Variants in LRCOL1 observed in about 807,000 individuals in gnomAD.
The protein encoded by LRCOL1 is leucine rich colipase like 1, also known as leucine-rich colipase-like protein 1.
A neutral mutation model predicts 21.6 loss-of-function variants in LRCOL1; 21 were observed. That is an observed-to-expected ratio of 0.97 (90% CI 0.69 to 1.40). LRCOL1 has a LOEUF of 1.40. Among genes scored for constraint, LRCOL1 ranks in the 40% most tolerant of loss-of-function variants. LRCOL1 has a pLI of 0.00. For synonymous variants in LRCOL1, 98 were observed against 90.1 expected, an observed-to-expected ratio of 1.09 and a Z score of -0.49; for missense variants, 198 against 202.3, an observed-to-expected ratio of 0.98 and a Z score of 0.13.
In LRCOL1 at chr12:132,604,700, C is replaced by T; in HGVS notation, c.231+6G>A. The T allele has an allele frequency of 6.5e-7, 1 of 1,535,604 alleles. No individual in the cohort carries two copies. Among genetic ancestry groups the T allele is most frequent in the East Asian group, 2.4e-5 (1 of 40,884 alleles). ...TCCTCCACCCCCGCCCCTGCACGCA[C>T]CTCACCTTCCTCCAGGGCAGGCACT... On this transcript the variant is annotated splice_donor_region_variant and intron_variant, in intron 3 of 5. Transcript: ENST00000376608.
At chr12:132,608,986 AACAGGTC>A (rs1469263137) in intron 1 of LRCOL1, among the ~76,000 whole-genome samples, 4 of 152,218 alleles carry the variant, frequency 2.6e-5, no homozygotes, top group African/African-American at 4.8e-5. Context: ...TCCGGTGTCT[AACAGGTC>A]ACAGGTCACA....
rs541292754 is a variant in LRCOL1, at chr12:132,606,234, C to A, written c.18G>T (p.Trp6Cys). 289 of 1,536,464 alleles carry A rather than the reference C, an allele frequency of 1.9e-4. No homozygotes were observed. The highest frequency in any genetic ancestry group is 2.5e-4 in the Non-Finnish European group (283 of 1,146,860). ...GCAGCAGCAGCAGTAGCAGCAGCGT[C>A]CACCCCGGGCCGGCCATCGGGTGTG... MAGPGWTLLLLLLLLL... is the reference protein window; with the variant it reads MAGPGCTLLLLLLLLL... The change falls in exon 2 of 6, where the codon TGG (tryptophan) becomes TGT (cysteine). Residue 6 changes from tryptophan to cysteine, a missense_variant. Trp to Cys is a radical substitution (Grantham distance 215). Transcript: ENST00000376608. This position sits in a 1 kb window ranked among gnomAD's most constrained non-coding sequence, Gnocchi z 4.6.
chr12:132,604,764 G>C lies in LRCOL1; in HGVS notation c.173C>G (p.Ala58Gly), dbSNP rs1289401154. ...QSNCCTINSL[A>G]PHTLCTPKTI... ...CTTAGGGGTGCAGAGCGTGTGTGGGGCCAGGCTGTTGATGGTACAGCAGTT... is the reference window on the plus strand; with the variant it reads ...CTTAGGGGTGCAGAGCGTGTGTGGGCCCAGGCTGTTGATGGTACAGCAGTT... Residue 58 changes from alanine to glycine, a missense_variant, in exon 3 of 6, where the codon GCC becomes GGC. Physicochemically the swap from Ala to Gly is moderately conservative, Grantham distance 60. Coordinates refer to ENST00000376608, the MANE Select transcript of LRCOL1 (RefSeq NM_001195520.2). The C allele has an allele frequency of 2.0e-6, 3 of 1,536,210 alleles. No homozygotes were observed. The highest frequency in any genetic ancestry group is 2.6e-6 in the Non-Finnish European group (3 of 1,146,918).
intron 5 of LRCOL1, chr12:132,603,783 G>C (rs1021310665): frequency 1.0e-6 from 1 of 985,406 alleles, no homozygotes; most frequent in African/African-American, 1.7e-5. Context: ...CCCCTCCCCT[G>C]GCCCCAGGGC....
At chr12:132,607,961 CTCTG>C (rs1014748998) in intron 1 of LRCOL1, among the ~76,000 whole-genome samples, 3 of 151,942 alleles carry the variant, frequency 2.0e-5, no homozygotes, top group African/African-American at 4.8e-5. Context: ...CTCTCCCTCT[CTCTG>C]TCTCTTTCTG....
Position 132,604,712 on chromosome 12 carries a change from C to A in LRCOL1, c.225G>T (p.Trp75Cys), listed in dbSNP as rs910985358. The A allele has an allele frequency of 6.5e-7, 1 of 1,536,132 alleles. No individual in the cohort carries two copies. Among genetic ancestry groups the A allele is most frequent in the Middle Eastern group, 1.7e-4 (1 of 5,988 alleles). ...PKTIFLQCLP[W>C]RKPNGYRCSH... ...GCCCCTGCACGCACCTCACCTTCCT[C>A]CAGGGCAGGCACTGCAGGAAGATGG... The change falls in exon 3 of 6, where the codon TGG becomes TGT. Residue 75 changes from tryptophan (W) to cysteine (C), a missense_variant. Trp to Cys is a radical substitution (Grantham distance 215). Transcript: ENST00000376608.
Position 132,604,502 on chromosome 12 carries a change from G to A in LRCOL1, c.314C>T (p.Thr105Met), listed in dbSNP as rs992804179. Reference protein sequence around the residue: ...VRNNSPQELCTPQSVFLQCVP... With the variant: ...VRNNSPQELCMPQSVFLQCVP... ...ACACTGCAGGAAGACGCTTTGGGGC[G>A]TGCACAACTCCTGCGGGCTGTTGTT... The change falls in exon 4 of 6, where the codon ACG (threonine) becomes ATG (methionine). Residue 105 changes from threonine to methionine, a missense_variant. Thr to Met is a moderately conservative substitution (Grantham distance 81). Transcript: ENST00000376608. The A allele has an allele frequency of 4.9e-5, 76 of 1,536,178 alleles. No individual in the cohort carries two copies. The Admixed American group carries it at 5.7e-4, about 11-fold the overall frequency.
intron 2 of LRCOL1, 190 bp downstream of exon 2, chr12:132,605,957 G>A (rs2041302654): frequency 1.7e-6 from 1 of 605,820 alleles, no homozygotes; most frequent in South Asian, 2.0e-5. Context: ...AGCCGGGCGT[G>A]TGGCCAGGAG....
rs2041305471 is a variant in LRCOL1, at chr12:132,606,095, C to A, written c.105+52G>T. On this transcript the variant is annotated intron_variant, in intron 2 of 5. Coordinates refer to ENST00000376608, the MANE Select transcript of LRCOL1 (RefSeq NM_001195520.2). This position sits in a 1 kb window ranked among gnomAD's most constrained non-coding sequence, Gnocchi z 4.6. ...GGGCCTCAGGGGCGCCCGGCACCCA[C>A]CTTATGGCGCGTGTGGGGCCTGCAG... 2.0e-6 allele frequency: 3 copies of A among 1,523,158 alleles called. No homozygotes were observed. Among genetic ancestry groups the A allele is most frequent in the Non-Finnish European group, 1.8e-6 (2 of 1,135,808 alleles). 94.4% of individuals were successfully genotyped at this position (1,523,158 alleles called of 1,614,324 possible). A position where few individuals can be genotyped will look rare whatever the true frequency, so the allele number is the denominator to read the frequency against.
At chr12:132,603,647 G>A in intron 5 of LRCOL1, 4 of 375,262 alleles carry the variant, frequency 1.1e-5, no homozygotes, top group Non-Finnish European at 1.3e-5. Flanking sequence ...GCGCCTGGTG[G>A]TACCCGAGGG....
chr12:132,604,476 C>T lies in LRCOL1; in HGVS notation c.340G>A (p.Val114Met), dbSNP rs1269862072. 2.0e-6 allele frequency: 3 copies of T among 1,535,938 alleles called. No individual in the cohort carries two copies. Among genetic ancestry groups the T allele is most frequent in the Non-Finnish European group, 2.6e-6 (3 of 1,146,764 alleles). ...CCGCAGCTCACCTTGCGCCAGGGCA[C>T]ACACTGCAGGAAGACGCTTTGGGGC... ...CTPQSVFLQCVPWRKPNGDFC... is the reference protein window; with the variant it reads ...CTPQSVFLQCMPWRKPNGDFC... Residue 114 changes from valine (V) to methionine (M), a missense_variant, in exon 4 of 6, where the codon GTG becomes ATG. Transcript: ENST00000376608.
chr12:132,604,673 G>C lies in LRCOL1; in HGVS notation c.231+33C>G, dbSNP rs773570171. On this transcript the variant is annotated intron_variant, in intron 3 of 5. Coordinates refer to ENST00000376608, the MANE Select transcript of LRCOL1 (RefSeq NM_001195520.2). ...GTAGGAGGGGGCCACAGGCAGTCTCGCTCCTCCACCCCCGCCCCTGCACGC... is the reference window on the plus strand; with the variant it reads ...GTAGGAGGGGGCCACAGGCAGTCTCCCTCCTCCACCCCCGCCCCTGCACGC... 6 of 1,527,884 alleles carry C rather than the reference G, an allele frequency of 3.9e-6. No homozygotes were observed. The South Asian group carries it at 6.0e-5, about 15-fold the overall frequency. The allele number at this position is 1,527,884 out of a possible 1,614,324, so 94.6% of individuals were successfully genotyped here. A position where few individuals can be genotyped will look rare whatever the true frequency, so the allele number is the denominator to read the frequency against.
At chr12:132,604,218 G>A in intron 5 of LRCOL1, 36 bp downstream of exon 5, 1 of 1,506,130 alleles carries the variant, frequency 6.6e-7, no homozygotes, top group Non-Finnish European at 8.8e-7. Flanking sequence ...GCGGCCAAGG[G>A]AGGGCCTGGA....
chr12:132,607,788 CCT>C (rs562697532), intron 1 of LRCOL1, among the ~76,000 whole-genome samples: 2 of 107,658 alleles, frequency 1.9e-5, no homozygotes, highest in African/African-American at 7.0e-5. Flanking sequence ...TCTGCCTCTC[CCT>C]CTCTCTGTCT....
At position 132,604,569 on chromosome 12, in the gene LRCOL1, A is replaced by T. The variant is rs1386514810; in HGVS notation, c.247T>A (p.Cys83Ser). ...LPWRKPNGYR[C>S]SHDSECQSSC... ...CTCTGGCACTCTGAGTCGTGCGAGC[A>T]TCTGTACCCATTGGGCTATGGGACA... Residue 83 changes from cysteine (C) to serine (S), a missense_variant, in exon 4 of 6, where the codon TGC (cysteine) becomes AGC (serine). Transcript: ENST00000376608. 1 of 1,535,434 alleles carries T rather than the reference A, an allele frequency of 6.5e-7. No homozygotes were observed. Among genetic ancestry groups the T allele is most frequent in the Non-Finnish European group, 8.7e-7 (1 of 1,146,370 alleles).
intron 1 of LRCOL1, among the ~76,000 whole-genome samples, chr12:132,608,279 C>A (rs537716116): frequency 6.6e-6 from 1 of 152,200 alleles, no homozygotes; most frequent in Non-Finnish European, 1.5e-5. Context: ...GGCCTCCCCA[C>A]GTGATCAGTC....
chr12:132,605,924 C>T (rs1417244173), intron 2 of LRCOL1: 4 of 568,556 alleles, frequency 7.0e-6, no homozygotes, highest in Non-Finnish European at 1.2e-5. Context: ...CGTCCCATAG[C>T]CTCAAGTGTG....
intron 2 of LRCOL1, 195 bp downstream of exon 2, chr12:132,605,952 G>A: frequency 1.7e-6 from 1 of 601,152 alleles, no homozygotes. Flanking sequence ...AGCACAGCCG[G>A]GCGTGTGGCC....
Position 132,604,379 on chromosome 12 carries a change from G to C in LRCOL1, c.355-3C>G. 1 of 1,535,312 alleles carries C rather than the reference G, an allele frequency of 6.5e-7. No individual in the cohort carries two copies. The highest frequency in any genetic ancestry group is 8.7e-7 in the Non-Finnish European group (1 of 1,146,438). ...CTGCTGCAGAAGTCGCCGTTGGGCT[G>C]GGGAGGCAGCCAGGCAGCAGTCGTG... On this transcript the variant is annotated splice_polypyrimidine_tract_variant and splice_region_variant and intron_variant, in intron 4 of 5. Transcript: ENST00000376608.
Sources: gnomAD v4.1 joint callset for allele counts (sites outside exome capture counted in the v4.1 genomes callset) on GRCh38, gnomAD v4.1.1 for gene constraint, Gnocchi (gnomAD v3.1) non-coding constraint, MANE v1.5 for transcripts, NCBI Gene and HGNC (gene_info 2026-07-23, HGNC 2026-07-21) for gene names.